Variants in CTBS observed in about 807,000 individuals in gnomAD.
The protein encoded by CTBS is chitobiase.
CTBS carries 35 observed loss-of-function variants against 44.3 expected under a neutral mutation model. That is an observed-to-expected ratio of 0.79 (90% CI 0.60 to 1.05). The LOEUF is 1.05. CTBS is among the 50% of genes least tolerant of loss of function. CTBS has a pLI of 0.00. For synonymous variants in CTBS, 143 were observed against 168.0 expected (o/e 0.85, Z 1.15); for missense variants, 458 against 475.3 (o/e 0.96, Z 0.34).
intron 6 of CTBS, 30 bp from the exon 7 acceptor site, chr1:84,555,229 A>G (rs755271633): frequency 3.2e-6 from 5 of 1,540,704 alleles, no homozygotes; most frequent in Admixed American, 3.5e-5. Flanking sequence ...TGGAGATTTT[A>G]AAGTATTTAG....
intron 6 of CTBS, among the ~76,000 whole-genome samples, chr1:84,559,328 TAAC>T (rs1684539880): frequency 6.6e-6 from 1 of 152,190 alleles, no homozygotes; most frequent in Non-Finnish European, 1.5e-5. Flanking sequence ...TAAGACTTAA[TAAC>T]AATATTTGGC....
rs910055201 is a variant in CTBS, at chr1:84,551,654, A to G, written c.*3345T>C. 1 of 152,196 alleles carries G rather than the reference A, an allele frequency of 6.6e-6. No homozygotes were observed. The highest frequency in any genetic ancestry group is 1.5e-5 in the Non-Finnish European group (1 of 68,014). 9.4% of individuals were successfully genotyped at this position (152,196 alleles called of 1,614,324 possible). On this transcript the variant is annotated 3_prime_UTR_variant, in exon 7 of 7. Transcript: ENST00000370630. The stretch of plus-strand genomic sequence containing the variant: ...ACAAGCAGCATTCTCGAGGCTAAAT[A>G]AGCCCTGGTTTGGCACTGAGAAGCT...
rs1470562682 is a variant in CTBS, at chr1:84,574,277, C to T, written c.139G>A (p.Glu47Lys). The change falls in exon 1 of 7, where the codon GAG (glutamate) becomes AAG (lysine). Residue 47 changes from glutamate to lysine, a missense_variant. Physicochemically the swap from Glu to Lys is moderately conservative, Grantham distance 56. Coordinates refer to ENST00000370630, the MANE Select transcript of CTBS (RefSeq NM_004388.3). ...TGGTGGCGAATCGGGCGGCAGAGCTCAGGCTCCGGGCATGGGCAGTCGGTC... is the reference window on the plus strand; with the variant it reads ...TGGTGGCGAATCGGGCGGCAGAGCTTAGGCTCCGGGCATGGGCAGTCGGTC... ...AGTDCPCPEP[E>K]LCRPIRHHPD... 2.5e-6 allele frequency: 4 copies of T among 1,592,820 alleles called. No individual in the cohort carries two copies. Among genetic ancestry groups the T allele is most frequent in the African/African-American group, 1.3e-5 (1 of 74,388 alleles).
Position 84,550,635 on chromosome 1 carries a change from G to A in CTBS, c.*4364C>T. On this transcript the variant is annotated 3_prime_UTR_variant, in exon 7 of 7. Transcript: ENST00000370630. ...CAATAATATAAGGGTAGCCAGGATT[G>A]ACTGTATTAAAATTGTTACCTTAAC... 2 of 1,294,682 alleles carry A rather than the reference G, an allele frequency of 1.5e-6. No homozygotes were observed. Among genetic ancestry groups the A allele is most frequent in the Non-Finnish European group, 2.0e-6 (2 of 1,014,578 alleles). 80.2% of individuals were successfully genotyped at this position (1,294,682 alleles called of 1,614,324 possible).
intron 3 of CTBS, among the ~76,000 whole-genome samples, chr1:84,566,649 G>A (rs913431332): frequency 1.6e-4 from 24 of 151,948 alleles, no homozygotes; most frequent in African/African-American, 4.8e-4. Flanking sequence ...TCTTTTTTGG[G>A]GGGGATGGAG....
At position 84,567,112 on chromosome 1, in the gene CTBS, G is replaced by A. The variant is rs548364130; in HGVS notation, c.526-1100C>T. Among the ~76,000 whole-genome samples the A allele has an allele frequency of 7.2e-5, 11 of 152,278 alleles. No homozygotes were observed. The South Asian group carries it at 2.1e-3, about 29-fold the overall frequency. On this transcript the variant is annotated intron_variant, in intron 3 of 6. Transcript: ENST00000370630. ...AAACACTGATTATTTTAAAAACTGAGATACTTTAGGTAACATTTTTATACT... is the reference window on the plus strand; with the variant it reads ...AAACACTGATTATTTTAAAAACTGAAATACTTTAGGTAACATTTTTATACT...
rs148638389 is a variant in CTBS at position 84,563,806 on chromosome 1, T to C, written c.724A>G (p.Ile242Val). Residue 242 changes from isoleucine to valine, a missense_variant, in exon 5 of 7, where the codon ATT (isoleucine) becomes GTT (valine). Transcript: ENST00000370630. ...CCCATTACAAGTTTCTTAGGATTAA[T>C]GCTCATCTTGATGTAGTCATTATAT... ...TGYNDYIKMS[I>V]NPKKLVMGVP... 1 of 1,608,310 alleles carries C rather than the reference T, an allele frequency of 6.2e-7. No homozygotes were observed. The highest frequency in any genetic ancestry group is 8.5e-7 in the Non-Finnish European group (1 of 1,176,748).
At position 84,574,266 on chromosome 1, in the gene CTBS, G is replaced by C; in HGVS notation, c.150C>G (p.Arg50=). Reference sequence around the variant, plus strand: ...CGAAATCTGGATGGTGGCGAATCGGGCGGCAGAGCTCAGGCTCCGGGCATG... The same window carrying C: ...CGAAATCTGGATGGTGGCGAATCGGCCGGCAGAGCTCAGGCTCCGGGCATG... The part of the protein sequence containing the change: ...DCPCPEPELC[R]PIRHHPDFEV... Residue 50 remains arginine, a synonymous_variant, in exon 1 of 7, where the codon CGC becomes CGG. Transcript: ENST00000370630. 1.2e-6 allele frequency: 2 copies of C among 1,601,332 alleles called. No homozygotes were observed. Among genetic ancestry groups the C allele is most frequent in the African/African-American group, 1.3e-5 (1 of 74,716 alleles).
chr1:84,553,144 T>C lies in CTBS; in HGVS notation c.*1855A>G. ...AATTAGGTATGTTAATTTAAAACTT[T>C]TATTTGTAAAAAAATTTAAATATGT... On this transcript the variant is annotated 3_prime_UTR_variant, in exon 7 of 7. Transcript: ENST00000370630. The C allele has an allele frequency of 7.4e-7, 1 of 1,353,682 alleles. No homozygotes were observed. 83.9% of individuals were successfully genotyped at this position (1,353,682 alleles called of 1,614,324 possible).
intron 1 of CTBS, chr1:84,573,978 T>C (rs770720560): frequency 1.0e-4 from 137 of 1,363,552 alleles, no homozygotes; most frequent in Non-Finnish European, 1.2e-4. Flanking sequence ...GAAAGGAGCT[T>C]GCCTTAGGAG....
At chr1:84,563,021 C>G (rs77861106) in intron 6 of CTBS, among the ~76,000 whole-genome samples, 64 of 152,208 alleles carry the variant, frequency 4.2e-4, no homozygotes, top group African/African-American at 1.5e-3. Flanking sequence ...ATGGCATCAT[C>G]TAAATGACAA....
chr1:84,567,023 T>C (rs760605787), intron 3 of CTBS, among the ~76,000 whole-genome samples: 5 of 152,244 alleles, frequency 3.3e-5, no homozygotes, highest in African/African-American at 7.2e-5. Context: ...CCTTATTTTA[T>C]ACATGTACAA....
intron 6 of CTBS, 131 bp downstream of exon 6, chr1:84,563,125 TC>T (rs1374229743): frequency 1.9e-6 from 1 of 513,802 alleles, no homozygotes; most frequent in African/African-American, 2.0e-5. Flanking sequence ...ACAAGTTTAC[TC>T]ATGTAAATAG....
intron 3 of CTBS, 142 bp from the exon 4 acceptor site, chr1:84,566,154 C>A (rs1044204367): frequency 4.2e-5 from 17 of 400,016 alleles, no homozygotes; most frequent in Non-Finnish European, 6.8e-5. Context: ...GGGTTTGACA[C>A]ACATAGAACT....
chr1:84,558,539 C>T (rs1217338023), intron 6 of CTBS, among the ~76,000 whole-genome samples: 2 of 151,180 alleles, frequency 1.3e-5, no homozygotes, highest in Non-Finnish European at 2.9e-5. Flanking sequence ...GATCCGCCCG[C>T]CTCAGCCTCC....
chr1:84,553,906 C>T lies in CTBS; in HGVS notation c.*1093G>A, dbSNP rs1222677162. On this transcript the variant is annotated 3_prime_UTR_variant, in exon 7 of 7. Coordinates refer to ENST00000370630, the MANE Select transcript of CTBS (RefSeq NM_004388.3). ...TAATTCCCTGGAGAAAGAAAACAGACTTTATTACATTTAGAAAACTTATTT... is the reference window on the plus strand; with the variant it reads ...TAATTCCCTGGAGAAAGAAAACAGATTTTATTACATTTAGAAAACTTATTT... 2.0e-5 allele frequency: 3 copies of T among 152,138 alleles called. No individual in the cohort carries two copies. Among genetic ancestry groups the T allele is most frequent in the Non-Finnish European group, 4.4e-5 (3 of 68,008 alleles). 9.4% of individuals were successfully genotyped at this position (152,138 alleles called of 1,614,324 possible). A position where few individuals can be genotyped will look rare whatever the true frequency, so the allele number is the denominator to read the frequency against.
chr1:84,563,857 A>G (rs376367371), intron 4 of CTBS, 25 bp from the exon 5 acceptor site: 4 of 1,593,462 alleles, frequency 2.5e-6, no homozygotes, highest in East Asian at 4.5e-5. Flanking sequence ...GAGAAAAAGC[A>G]TATTTGTTTC....
At chr1:84,560,433 A>G (rs1240201457) in intron 6 of CTBS, among the ~76,000 whole-genome samples, 2 of 152,172 alleles carry the variant, frequency 1.3e-5, no homozygotes, top group Admixed American at 1.3e-4. Flanking sequence ...CTTTATTCTG[A>G]TCACAGTTCT....
In CTBS at chr1:84,570,842, A is replaced by G. The variant is rs1289265100; in HGVS notation, c.178-122T>C. 5.4e-6 allele frequency: 5 copies of G among 922,454 alleles called. No individual in the cohort carries two copies. In the Admixed American group the frequency reaches 1.0e-4, roughly 19 times the overall value. 57.1% of individuals were successfully genotyped at this position (922,454 alleles called of 1,614,324 possible). A position where few individuals can be genotyped will look rare whatever the true frequency, so the allele number is the denominator to read the frequency against. ...ATGGTGGCAGTGAGAGTACAAGTGC[A>G]TAAGACATAGGGGTCCCAAGATAAT... On this transcript the variant is annotated intron_variant, in intron 1 of 6. Transcript: ENST00000370630.
Sources: gnomAD v4.1 joint callset for allele counts (sites outside exome capture counted in the v4.1 genomes callset) on GRCh38, gnomAD v4.1.1 for gene constraint, MANE v1.5 for transcripts, NCBI Gene and HGNC (gene_info 2026-07-23, HGNC 2026-07-21) for gene names.